Variants in SV2C observed in about 807,000 individuals in gnomAD.
The protein encoded by SV2C is solute carrier family 22 member B3.
A neutral mutation model predicts 79.7 loss-of-function variants in SV2C; 49 were observed. The ratio of observed to expected loss-of-function variants is 0.61; its 90% CI spans 0.49 to 0.78. The LOEUF (loss-of-function observed/expected upper bound fraction) is 0.78, where lower values mean the gene tolerates loss of function less well. Ranked by LOEUF, SV2C falls within the 30% of genes least tolerant of loss-of-function variation. SV2C has a pLI of 0.00. For synonymous variants in SV2C, 334 were observed against 333.2 expected (o/e 1.00, Z -0.03); for missense variants, 833 against 912.9 (o/e 0.91, Z 1.13).
chr5:75,984,589 ATCTATCTACCTATCTATCTATC>A, the SV2C span, among the ~76,000 whole-genome samples: 1 of 88,036 alleles, frequency 1.1e-5, no homozygotes, highest in Non-Finnish European at 3.3e-5. Context: ...CTATCTATCT[ATCTATCTACCTATCTATCTATC>A]TATCTATCTA....
At chr5:76,100,776 G>A (rs925670951) in intron 1 of SV2C, among the ~76,000 whole-genome samples, 1 of 152,120 alleles carries the variant, frequency 6.6e-6, no homozygotes, top group African/African-American at 2.4e-5. Flanking sequence ...CTCGAGGTAG[G>A]GTTTCTCAAC....
intron 4 of SV2C, among the ~76,000 whole-genome samples, chr5:76,277,302 T>C (rs1459143521): frequency 1.3e-5 from 2 of 152,222 alleles, no homozygotes; most frequent in African/African-American, 4.8e-5. Context: ...GAAATGTATA[T>C]AGCAATTTTA....
At chr5:76,156,005 TG>T (rs890340502) in intron 2 of SV2C, among the ~76,000 whole-genome samples, 1 of 148,544 alleles carries the variant, frequency 6.7e-6, no homozygotes, top group Non-Finnish European at 1.5e-5. Flanking sequence ...GGGAAGAGAT[TG>T]GTAGATTCAT....
the SV2C span, among the ~76,000 whole-genome samples, chr5:75,980,730 A>G: frequency 6.6e-6 from 1 of 152,186 alleles, no homozygotes; most frequent in Non-Finnish European, 1.5e-5. Flanking sequence ...TAAGAGCCAT[A>G]TATGACAAAC....
intron 4 of SV2C, among the ~76,000 whole-genome samples, chr5:76,262,130 A>C (rs540987756): frequency 1.3e-5 from 2 of 151,760 alleles, no homozygotes; most frequent in Non-Finnish European, 2.9e-5. Context: ...GAACTTGTCT[A>C]TTCAGGGATT....
At chr5:76,339,275 A>G (rs1241918731) in intron 12 of SV2C, among the ~76,000 whole-genome samples, 2 of 152,146 alleles carry the variant, frequency 1.3e-5, no homozygotes, top group African/African-American at 4.8e-5. Context: ...ATTTCTATAA[A>G]TTATTTTTCT....
chr5:76,277,145 C>A (rs1228565623), intron 4 of SV2C, among the ~76,000 whole-genome samples: 1 of 152,206 alleles, frequency 6.6e-6, no homozygotes, highest in Non-Finnish European at 1.5e-5. Context: ...GCATACACTA[C>A]TGGTGGGAAT....
chr5:76,298,573 C>A (rs936472292), intron 9 of SV2C, among the ~76,000 whole-genome samples: 3 of 152,096 alleles, frequency 2.0e-5, no homozygotes, highest in Non-Finnish European at 4.4e-5. Flanking sequence ...CATCTCTTTT[C>A]CTGGTGAAAA....
intron 4 of SV2C, among the ~76,000 whole-genome samples, chr5:76,241,509 A>G (rs1370667069): frequency 6.6e-6 from 1 of 152,212 alleles, no homozygotes; most frequent in Non-Finnish European, 1.5e-5. Flanking sequence ...GAAGATCCAT[A>G]ATCTAGAAAC....
chr5:76,305,717 A>T (rs1334737586), intron 12 of SV2C, among the ~76,000 whole-genome samples: 1 of 152,240 alleles, frequency 6.6e-6, no homozygotes, highest in African/African-American at 2.4e-5. Context: ...AAAAAATGAA[A>T]CAACCATTTT....
At chr5:76,054,463 T>C in the SV2C span, among the ~76,000 whole-genome samples, 2,703 of 152,322 alleles carry the variant, frequency 0.018, 41 homozygotes, top group South Asian at 0.049. Flanking sequence ...TATGTGTGCA[T>C]GGGTCTTTAT....
chr5:75,859,971 C>T, the SV2C span, among the ~76,000 whole-genome samples: 1 of 152,126 alleles, frequency 6.6e-6, no homozygotes, highest in African/African-American at 2.4e-5. Flanking sequence ...AGCCGAAGAG[C>T]TCTGGGCCCT....
At chr5:76,240,329 GAT>G (rs1467687748) in intron 4 of SV2C, among the ~76,000 whole-genome samples, 1 of 152,150 alleles carries the variant, frequency 6.6e-6, no homozygotes, top group East Asian at 1.9e-4. Context: ...CCTGTCCCCT[GAT>G]ATCAGTGTAG....
At chr5:76,278,775 G>C (rs1374731060) in intron 4 of SV2C, among the ~76,000 whole-genome samples, 1 of 152,188 alleles carries the variant, frequency 6.6e-6, no homozygotes, top group Non-Finnish European at 1.5e-5. Context: ...GAGACATTTG[G>C]GTTTCATTCC....
chr5:76,245,599 G>A (rs1745920689), intron 4 of SV2C, among the ~76,000 whole-genome samples: 1 of 152,152 alleles, frequency 6.6e-6, no homozygotes, highest in East Asian at 1.9e-4. Flanking sequence ...TAAATATTGT[G>A]AGTAGACTGG....
At chr5:76,176,984 G>A (rs1004018915) in intron 2 of SV2C, among the ~76,000 whole-genome samples, 10 of 151,672 alleles carry the variant, frequency 6.6e-5, no homozygotes, top group Non-Finnish European at 1.5e-4. Context: ...GCACGGTGGC[G>A]GGCGTCTGTA....
chr5:76,089,443 G>A (rs1468568998), intron 1 of SV2C, among the ~76,000 whole-genome samples: 1 of 152,150 alleles, frequency 6.6e-6, no homozygotes, highest in Non-Finnish European at 1.5e-5. Context: ...GGGCATTTAG[G>A]TTGATTCCAT....
chr5:75,968,093 A>C, the SV2C span, among the ~76,000 whole-genome samples: 1 of 152,248 alleles, frequency 6.6e-6, no homozygotes, highest in African/African-American at 2.4e-5. Context: ...AAACTCCAAC[A>C]GACCTGCAGC....
chr5:76,188,831 C>T (rs1744005394), intron 2 of SV2C, among the ~76,000 whole-genome samples: 1 of 152,062 alleles, frequency 6.6e-6, no homozygotes, highest in African/African-American at 2.4e-5. Flanking sequence ...ACAGTGGTCC[C>T]TGGAGTCAGC....
Sources: allele counts gnomAD v4.1 joint callset (sites outside exome capture counted in the v4.1 genomes callset), GRCh38; gene constraint gnomAD v4.1.1; transcripts MANE v1.5; gene names NCBI Gene and HGNC (gene_info 2026-07-23, HGNC 2026-07-21).